Variants in AGAP1 observed in about 807,000 individuals in gnomAD.
AGAP1 encodes arf-GAP with GTPase, ANK repeat and PH domain-containing protein 1.
In AGAP1, 29 loss-of-function variants were observed where a neutral mutation model predicts 105.3. The observed-to-expected ratio is 0.28, with a 90% confidence interval of 0.21 to 0.38. The LOEUF is 0.38. Among genes scored for constraint, AGAP1 ranks in the 10% least tolerant of loss-of-function variants. AGAP1 has a pLI of 1.00. For synonymous variants in AGAP1, 509 were observed against 485.9 expected (o/e 1.05, Z -0.63); for missense variants, 998 against 1,165.1 (o/e 0.86, Z 2.09).
At position 235,879,250 on chromosome 2, in the gene AGAP1, G is replaced by C. The variant is rs2049893319; in HGVS notation, c.1051-4095G>C. 6.6e-6 allele frequency among the ~76,000 whole-genome samples: 1 copy of C among 152,182 alleles called. No individual in the cohort carries two copies. Among genetic ancestry groups the C allele is most frequent in the Admixed American group, 6.5e-5 (1 of 15,286 alleles). The stretch of plus-strand genomic sequence containing the variant: ...TGACTGCACAGCCGGGCTGAGCATG[G>C]GGTAGTGCTCCAGCCACTGAAAGAA... On this transcript the variant is annotated intron_variant, in intron 9 of 17. Transcript: ENST00000304032. This position sits in a 1 kb window ranked among gnomAD's most constrained non-coding sequence, Gnocchi z 5.0.
rs1175713865 is a variant in AGAP1 at position 235,962,463 on chromosome 2, G to A, written c.1484-5999G>A. On this transcript the variant is annotated intron_variant, in intron 12 of 17. Transcript: ENST00000304032. This position sits in a 1 kb window ranked among gnomAD's most constrained non-coding sequence, Gnocchi z 5.3. ...ACCGTGGGATGTGAGCGGGTTGGAC[G>A]TCAGATGGCATGGAACTCAGGGCAT... Among the ~76,000 whole-genome samples the A allele has an allele frequency of 1.3e-5, 2 of 152,100 alleles. No individual in the cohort carries two copies. The highest frequency in any genetic ancestry group is 2.4e-5 in the African/African-American group (1 of 41,424).
Position 235,968,449 on chromosome 2 carries a change from G to A in AGAP1, c.1484-13G>A, listed in dbSNP as rs373988327. ...TTTTTTTTTTTTTTTTGCCTTTTCC[G>A]GTCCAATGGCAGACACAGGGCTGGG... On this transcript the variant is annotated splice_polypyrimidine_tract_variant and intron_variant, in intron 12 of 17. Coordinates refer to ENST00000304032, the MANE Select transcript of AGAP1 (RefSeq NM_001037131.3). 4 of 1,477,688 alleles carry A rather than the reference G, an allele frequency of 2.7e-6. No homozygotes were observed. The highest frequency in any genetic ancestry group is 2.6e-5 in the Admixed American group (1 of 38,846). 91.5% of individuals were successfully genotyped at this position (1,477,688 alleles called of 1,614,324 possible).
rs1443660616 is a variant in AGAP1, at chr2:235,961,533, C to T, written c.1484-6929C>T. Among the ~76,000 whole-genome samples the T allele has an allele frequency of 6.6e-6, 1 of 152,100 alleles. No homozygotes were observed. The highest frequency in any genetic ancestry group is 2.4e-5 in the African/African-American group (1 of 41,410). ...GGACAGCAGTGCAGAGGGACAGGCCCTAGGGAGTTGTGCTTTAAAGAAGGG... is the reference window on the plus strand; with the variant it reads ...GGACAGCAGTGCAGAGGGACAGGCCTTAGGGAGTTGTGCTTTAAAGAAGGG... On this transcript the variant is annotated intron_variant, in intron 12 of 17. Coordinates refer to ENST00000304032, the MANE Select transcript of AGAP1 (RefSeq NM_001037131.3). This position sits in a 1 kb window ranked among gnomAD's most constrained non-coding sequence, Gnocchi z 5.9.
intron 1 of AGAP1, among the ~76,000 whole-genome samples, chr2:235,585,633 T>C (rs1945083076): frequency 6.6e-6 from 1 of 152,202 alleles, no homozygotes; most frequent in Admixed American, 6.5e-5. Flanking sequence ...CTGCAGGGGA[T>C]AGGTGATTCT....
At chr2:236,084,534 A>G (rs1305611833) in intron 16 of AGAP1, among the ~76,000 whole-genome samples, 1 of 152,216 alleles carries the variant, frequency 6.6e-6, no homozygotes, top group African/African-American at 2.4e-5. Flanking sequence ...TTCTTTCAGG[A>G]AAACCTCTGT....
At chr2:235,666,097 T>C (rs907645957) in intron 1 of AGAP1, among the ~76,000 whole-genome samples, 17 of 152,130 alleles carry the variant, frequency 1.1e-4, no homozygotes, top group African/African-American at 4.1e-4. Flanking sequence ...CTGGCACCTT[T>C]CCTGAACTCT....
In AGAP1 at chr2:235,754,004, C is replaced by G. The variant is rs888155483; in HGVS notation, c.673+3516C>G. ...TCCTTAATAACAAAGTAAAAATCCT[C>G]AAGGAAAGTTAAACATTGTAAGGTT... On this transcript the variant is annotated intron_variant, in intron 6 of 17. Transcript: ENST00000304032. This position sits in a 1 kb window ranked among gnomAD's most constrained non-coding sequence, Gnocchi z 4.6. Among the ~76,000 whole-genome samples the G allele has an allele frequency of 6.6e-6, 1 of 152,092 alleles. No homozygotes were observed. Among genetic ancestry groups the G allele is most frequent in the African/African-American group, 2.4e-5 (1 of 41,406 alleles).
chr2:235,852,778 G>T, intron 9 of AGAP1: 1 of 1,537,438 alleles, frequency 6.5e-7, no homozygotes, highest in Non-Finnish European at 8.8e-7. Context: ...GGCCAGGGCC[G>T]AGGGGTGGTC....
Position 236,123,912 on chromosome 2 carries a change from T to G in AGAP1, c.2371-7T>G, listed in dbSNP as rs1559298900. Reference sequence around the variant, plus strand: ...TGATACTAATGTGGGCTCCCTTACCTCCGCAGTACGGAGTGGACGTCACGG... The same window carrying G: ...TGATACTAATGTGGGCTCCCTTACCGCCGCAGTACGGAGTGGACGTCACGG... On this transcript the variant is annotated splice_polypyrimidine_tract_variant and splice_region_variant and intron_variant, in intron 17 of 17. Coordinates refer to ENST00000304032, the MANE Select transcript of AGAP1 (RefSeq NM_001037131.3). The surrounding 1 kb of genome is among the most constrained non-coding windows in gnomAD (Gnocchi z 4.6). 1.9e-6 allele frequency: 3 copies of G among 1,611,938 alleles called. No individual in the cohort carries two copies. Among genetic ancestry groups the G allele is most frequent in the Non-Finnish European group, 2.5e-6 (3 of 1,179,734 alleles).
rs1053057042 is a variant in AGAP1 at position 235,555,053 on chromosome 2, T to C, written c.163+60204T>C. ...GGGTCCTGGAGAGGAGGTGGAGCAG[T>C]TGCCTTCTCAGCATCGTGGGGTGGG... is the stretch of plus-strand genomic sequence containing the variant. On this transcript the variant is annotated intron_variant, in intron 1 of 17. Transcript: ENST00000304032. This position sits in a 1 kb window ranked among gnomAD's most constrained non-coding sequence, Gnocchi z 5.1. Among the ~76,000 whole-genome samples the C allele has an allele frequency of 6.6e-6, 1 of 152,164 alleles. No homozygotes were observed. The highest frequency in any genetic ancestry group is 1.5e-5 in the Non-Finnish European group (1 of 68,030).
rs528592132 is a variant in AGAP1 at position 235,799,945 on chromosome 2, G to A, written c.957+423G>A. Among the ~76,000 whole-genome samples the A allele has an allele frequency of 3.8e-4, 58 of 152,112 alleles. No individual in the cohort carries two copies. The highest frequency in any genetic ancestry group is 1.3e-3 in the African/African-American group (53 of 41,500). ...CTGGGGTGCCTGGCGCTGCCCTCGG[G>A]GTGGAGGTGGGGGACTGGGAGGTGC... On this transcript the variant is annotated intron_variant, in intron 8 of 17. Coordinates refer to ENST00000304032, the MANE Select transcript of AGAP1 (RefSeq NM_001037131.3). The surrounding 1 kb of genome is among the most constrained non-coding windows in gnomAD (Gnocchi z 5.0).
intron 10 of AGAP1, among the ~76,000 whole-genome samples, chr2:235,899,591 G>GACCCAGAC (rs1478906641): frequency 1.3e-5 from 2 of 152,204 alleles, no homozygotes; most frequent in African/African-American, 4.8e-5. Flanking sequence ...GTTTTAAAGA[G>GACCCAGAC]ACCCAGACAG....
In AGAP1 at chr2:235,626,076, C is replaced by T. The variant is rs1011211839; in HGVS notation, c.164-83103C>T. ...AGAAATCACTGAATATAGGCCAGTG[C>T]GGTGGCTCATGCCTGTAATCCCAGC... On this transcript the variant is annotated intron_variant, in intron 1 of 17. Coordinates refer to ENST00000304032, the MANE Select transcript of AGAP1 (RefSeq NM_001037131.3). Among the ~76,000 whole-genome samples, 6 of 152,034 alleles carry T rather than the reference C, an allele frequency of 3.9e-5. No homozygotes were observed. In the East Asian group the frequency reaches 9.7e-4, roughly 25 times the overall value.
intron 11 of AGAP1, among the ~76,000 whole-genome samples, chr2:235,909,707 AC>A (rs1358435205): frequency 6.6e-6 from 1 of 152,078 alleles, no homozygotes; most frequent in Non-Finnish European, 1.5e-5. Flanking sequence ...CTTCTCTCCC[AC>A]CTACATCCAG....
At position 235,635,196 on chromosome 2, in the gene AGAP1, T is replaced by TAGGG. The variant is rs1247549719; in HGVS notation, c.164-73983_164-73982insAGGG. Reference sequence around the variant, plus strand: ...CTGAGTGTTGATGCCAGCCTTACCCTGACCCTGTGTGTGGCAGCAGTGGGT... The same window carrying TAGGG: ...CTGAGTGTTGATGCCAGCCTTACCCTAGGGGACCCTGTGTGTGGCAGCAGTGGGT... On this transcript the variant is annotated intron_variant, in intron 1 of 17. Coordinates refer to ENST00000304032, the MANE Select transcript of AGAP1 (RefSeq NM_001037131.3). The surrounding 1 kb of genome is among the most constrained non-coding windows in gnomAD (Gnocchi z 5.3). Among the ~76,000 whole-genome samples, 1 of 152,184 alleles carries TAGGG rather than the reference T, an allele frequency of 6.6e-6. No individual in the cohort carries two copies. The highest frequency in any genetic ancestry group is 1.5e-5 in the Non-Finnish European group (1 of 68,046).
chr2:235,933,821 G>A (rs1411698037), intron 12 of AGAP1, among the ~76,000 whole-genome samples: 3 of 152,148 alleles, frequency 2.0e-5, no homozygotes, highest in Admixed American at 6.5e-5. Context: ...ATGAGCCACC[G>A]CGCCCGGCCT....
At chr2:235,735,341 T>G (rs755975809) in intron 3 of AGAP1, among the ~76,000 whole-genome samples, 1 of 152,214 alleles carries the variant, frequency 6.6e-6, no homozygotes, top group Non-Finnish European at 1.5e-5. Context: ...TTTATTTTCT[T>G]TTTCTTAAAG....
In AGAP1 at chr2:235,853,326, A is replaced by G; in HGVS notation, c.1051-30019A>G. On this transcript the variant is annotated intron_variant, in intron 9 of 17. Coordinates refer to ENST00000304032, the MANE Select transcript of AGAP1 (RefSeq NM_001037131.3). Reference sequence around the variant, plus strand: ...GGCAGGTTGAGTGAGGAATTGTTTTAGGAACAGGGAATGTTGTGACTTTCT... The same window carrying G: ...GGCAGGTTGAGTGAGGAATTGTTTTGGGAACAGGGAATGTTGTGACTTTCT... 6.3e-6 allele frequency: 4 copies of G among 633,426 alleles called. No homozygotes were observed. In the South Asian group the frequency reaches 2.1e-4, roughly 34 times the overall value. The allele number at this position is 633,426 out of a possible 1,614,324, so 39.2% of individuals were successfully genotyped here.
intron 1 of AGAP1, among the ~76,000 whole-genome samples, chr2:235,495,360 T>C (rs971018683): frequency 2.6e-5 from 4 of 152,328 alleles, no homozygotes; most frequent in African/African-American, 9.6e-5. Flanking sequence ...TTGAACTTAG[T>C]GGATGCCGAG....
Sources: gnomAD v4.1 joint callset for allele counts (sites outside exome capture counted in the v4.1 genomes callset) on GRCh38, gnomAD v4.1.1 for gene constraint, Gnocchi (gnomAD v3.1) non-coding constraint, MANE v1.5 for transcripts, NCBI Gene and HGNC (gene_info 2026-07-23, HGNC 2026-07-21) for gene names.